Variants in LMBRD1 observed in about 807,000 individuals in gnomAD.
The protein encoded by LMBRD1 is LMBR1 domain containing 1.
LMBRD1 carries 64 observed loss-of-function variants against 74.8 expected under a neutral mutation model. The ratio of observed to expected loss-of-function variants is 0.86; its 90% confidence interval spans 0.70 to 1.05. The LOEUF (loss-of-function observed/expected upper bound fraction) is 1.05, where lower values mean the gene tolerates loss of function less well. LMBRD1 is among the 50% of genes least tolerant of loss of function. The pLI, the probability that LMBRD1 is intolerant of heterozygous loss-of-function variation, is 0.00. For missense variants in LMBRD1, 652 were observed against 645.9 expected, an observed-to-expected ratio of 1.01 and a Z score of -0.10; for synonymous variants, 204 against 216.3, an observed-to-expected ratio of 0.94 and a Z score of 0.50.
chr6:69,778,742 T>C (rs1224621838), intron 3 of LMBRD1, among the ~76,000 whole-genome samples: 2 of 152,106 alleles, frequency 1.3e-5, no homozygotes. Context: ...TAGGTCAAAA[T>C]TGTATTTTAT....
At chr6:69,719,160 T>C (rs1455677833) in intron 7 of LMBRD1, 79 bp from the exon 8 acceptor site, 10 of 1,396,078 alleles carry the variant, frequency 7.2e-6, no homozygotes, top group Non-Finnish European at 9.9e-6. Context: ...AAAATGTCTT[T>C]TAAAGTCATA....
At chr6:69,733,130 T>A (rs1056935737) in intron 7 of LMBRD1, among the ~76,000 whole-genome samples, 4 of 151,974 alleles carry the variant, frequency 2.6e-5, no homozygotes, top group Non-Finnish European at 5.9e-5. Context: ...GATAAAAAAA[T>A]TTCTCTAGCC....
intron 14 of LMBRD1, among the ~76,000 whole-genome samples, chr6:69,693,669 G>A (rs1427442431): frequency 6.6e-6 from 1 of 151,790 alleles, no homozygotes; most frequent in African/African-American, 2.4e-5. Context: ...GTCAAATGTT[G>A]TCATGAAATA....
intron 1 of LMBRD1, among the ~76,000 whole-genome samples, chr6:69,795,865 CAATT>C (rs1299977116): frequency 1.3e-5 from 2 of 152,136 alleles, no homozygotes; most frequent in Non-Finnish European, 2.9e-5. Context: ...CTGGATCTGA[CAATT>C]AAAGTAAAAC....
intron 7 of LMBRD1, among the ~76,000 whole-genome samples, chr6:69,730,846 C>T (rs2149864294): frequency 6.6e-6 from 1 of 152,044 alleles, no homozygotes; most frequent in Admixed American, 6.6e-5. Context: ...GGAAGATATC[C>T]AAAAGAGAAG....
At chr6:69,791,057 A>G (rs1421387629) in intron 1 of LMBRD1, among the ~76,000 whole-genome samples, 1 of 152,234 alleles carries the variant, frequency 6.6e-6, no homozygotes, top group Non-Finnish European at 1.5e-5. Context: ...GGAGCTTTCC[A>G]GTGAAAAAAG....
At chr6:69,716,357 C>A (rs9346332) in intron 8 of LMBRD1, among the ~76,000 whole-genome samples, 51,261 of 151,994 alleles carry the variant, frequency 0.34, 9,703 homozygotes, top group East Asian at 0.54. Flanking sequence ...ATTTGCATTT[C>A]TCTAATGGTC....
chr6:69,700,845 T>C lies in LMBRD1; in HGVS notation c.1108A>G (p.Ile370Val), dbSNP rs762228560. ...QTVFPLDYIL[I>V]TIIIMYFIFT... Reference sequence around the variant, plus strand: ...ATAAAGTACATAATAATAATTGTTATAAGAATATAATCAAGAGGGAAAACC... The same window carrying C: ...ATAAAGTACATAATAATAATTGTTACAAGAATATAATCAAGAGGGAAAACC... The change falls in exon 12 of 16, where the codon ATA (isoleucine) becomes GTA (valine). Residue 370 changes from isoleucine (I) to valine (V), a missense_variant. By Grantham distance (29) the Ile-to-Val change is conservative. Transcript: ENST00000649934. The C allele has an allele frequency of 2.8e-6, 4 of 1,441,786 alleles. No homozygotes were observed. Among genetic ancestry groups the C allele is most frequent in the Admixed American group, 4.1e-5 (2 of 49,068 alleles). The allele number at this position is 1,441,786 out of a possible 1,614,324, so 89.3% of individuals were successfully genotyped here. A position where few individuals can be genotyped will look rare whatever the true frequency, so the allele number is the denominator to read the frequency against.
intron 9 of LMBRD1, 147 bp from the exon 10 acceptor site, chr6:69,702,100 C>T: frequency 1.6e-6 from 1 of 619,078 alleles, no homozygotes. Flanking sequence ...TATACAATTC[C>T]AGGCATTTAT....
At chr6:69,742,510 G>A (rs576366727) in intron 5 of LMBRD1, among the ~76,000 whole-genome samples, 44 of 152,108 alleles carry the variant, frequency 2.9e-4, no homozygotes, top group African/African-American at 9.9e-4. Context: ...ACTGGGAAAC[G>A]ATAGAATAAA....
At chr6:69,786,151 G>C (rs772474806) in intron 2 of LMBRD1, among the ~76,000 whole-genome samples, 2 of 152,186 alleles carry the variant, frequency 1.3e-5, no homozygotes, top group Admixed American at 1.3e-4. Flanking sequence ...AACCTCATTT[G>C]CCTTAATGAT....
Position 69,741,873 on chromosome 6 carries a change from A to G in LMBRD1, c.478T>C (p.Phe160Leu). 2 of 1,573,722 alleles carry G rather than the reference A, an allele frequency of 1.3e-6. No individual in the cohort carries two copies. The highest frequency in any genetic ancestry group is 1.1e-5 in the South Asian group (1 of 89,994). ...TTATTGGGAACATTCAATGGAACAA[A>G]GGCACTACAAAAGAGAAAATAATTG... Reference protein sequence around the residue: ...ICALLLLVGAFVPLNVPNNKN... With the variant: ...ICALLLLVGALVPLNVPNNKN... The change falls in exon 6 of 16, where the codon TTT becomes CTT. Residue 160 changes from phenylalanine to leucine, a missense_variant. Transcript: ENST00000649934.
rs1562078211 is a variant in LMBRD1 at position 69,675,601 on chromosome 6, A to T, written c.*557T>A. ...GACTGATATTTGAACAATATAACAC[A>T]TCTTGGAACGCCATGCTCTTAGAGC... On this transcript the variant is annotated 3_prime_UTR_variant, in exon 16 of 16. Transcript: ENST00000649934. Among the ~76,000 whole-genome samples the T allele has an allele frequency of 6.6e-6, 1 of 152,226 alleles. No homozygotes were observed. Among genetic ancestry groups the T allele is most frequent in the Non-Finnish European group, 1.5e-5 (1 of 68,038 alleles).
chr6:69,796,708 C>A, intron 1 of LMBRD1, 105 bp downstream of exon 1: 2 of 1,043,644 alleles, frequency 1.9e-6, no homozygotes, highest in East Asian at 2.6e-5. Flanking sequence ...AAAAGCGGGG[C>A]GGGGCGAAGA....
intron 5 of LMBRD1, among the ~76,000 whole-genome samples, chr6:69,743,623 G>C (rs1052569831): frequency 6.6e-6 from 1 of 152,142 alleles, no homozygotes; most frequent in Non-Finnish European, 1.5e-5. Flanking sequence ...TAGTATTTTA[G>C]GTATAAACGA....
chr6:69,681,280 A>G (rs1039121344), intron 14 of LMBRD1, among the ~76,000 whole-genome samples: 3 of 151,968 alleles, frequency 2.0e-5, no homozygotes, highest in Non-Finnish European at 4.4e-5. Context: ...TACTACCACC[A>G]TTCCTTCATC....
At chr6:69,790,105 T>C (rs1399473265) in intron 2 of LMBRD1, among the ~76,000 whole-genome samples, 191 bp downstream of exon 2, 1 of 152,266 alleles carries the variant, frequency 6.6e-6, no homozygotes, top group African/African-American at 2.4e-5. Context: ...GGCGGCTGAA[T>C]TAATAGTTCT....
intron 3 of LMBRD1, among the ~76,000 whole-genome samples, chr6:69,769,970 T>C (rs1365309741): frequency 6.6e-6 from 1 of 152,140 alleles, no homozygotes; most frequent in Non-Finnish European, 1.5e-5. Flanking sequence ...TTCAGGCCAA[T>C]TGCCCCTGGC....
intron 9 of LMBRD1, among the ~76,000 whole-genome samples, chr6:69,703,722 A>G (rs1766186205): frequency 6.6e-6 from 1 of 152,106 alleles, no homozygotes; most frequent in South Asian, 2.1e-4. Flanking sequence ...CTATAATGCC[A>G]ATTTTGAAAT....
Sources: allele counts gnomAD v4.1 joint callset (sites outside exome capture counted in the v4.1 genomes callset), GRCh38; gene constraint gnomAD v4.1.1; transcripts MANE v1.5; gene names NCBI Gene and HGNC (gene_info 2026-07-23, HGNC 2026-07-21).